The following PHACTR2 variants were observed in gnomAD, a reference collection of about 807,000 sequenced individuals.
PHACTR2 encodes the protein chromosome 6 open reading frame 56.
In PHACTR2, 30 loss-of-function variants were observed where a neutral mutation model predicts 76.0. The observed-to-expected ratio is 0.39, with a 90% CI of 0.30 to 0.54. PHACTR2 has a LOEUF of 0.54. Among genes scored for constraint, PHACTR2 ranks in the 20% least tolerant of loss-of-function variants. The pLI is 0.61. For missense variants in PHACTR2, 696 were observed against 781.1 expected, an observed-to-expected ratio of 0.89 and a Z score of 1.30; for synonymous variants, 292 against 292.5, an observed-to-expected ratio of 1.00 and a Z score of 0.02.
intron 1 of PHACTR2, among the ~76,000 whole-genome samples, chr6:143,622,231 A>G (rs1348280643): frequency 6.6e-6 from 1 of 152,164 alleles, no homozygotes; most frequent in Non-Finnish European, 1.5e-5. Context: ...GATCCTGCCC[A>G]AACCTCAGGA....
rs1776518458 is a variant in PHACTR2 at position 143,639,005 on chromosome 6, G to T, written c.13+30683G>T. Among the ~76,000 whole-genome samples the T allele has an allele frequency of 6.6e-6, 1 of 152,202 alleles. No individual in the cohort carries two copies. Among genetic ancestry groups the T allele is most frequent in the African/African-American group, 2.4e-5 (1 of 41,464 alleles). The stretch of plus-strand genomic sequence containing the variant: ...CTATGAATGACATTATCTCCTTAAT[G>T]ATCATTTTCTCTTTGCCCAGTTGTC... On this transcript the variant is annotated intron_variant, in intron 1 of 11. Coordinates refer to the PHACTR2 transcript ENST00000305766. This position sits in a 1 kb window ranked among gnomAD's most constrained non-coding sequence, Gnocchi z 5.0.
chr6:143,601,457 A>G (rs939947376), intron 1 of PHACTR2, among the ~76,000 whole-genome samples: 1 of 152,168 alleles, frequency 6.6e-6, no homozygotes, highest in African/African-American at 2.4e-5. Context: ...TAGGAGTACA[A>G]TGCTGGGCTA....
chr6:143,810,746 C>T (rs1247566485), intron 12 of PHACTR2, among the ~76,000 whole-genome samples: 2 of 151,726 alleles, frequency 1.3e-5, no homozygotes, highest in East Asian at 1.9e-4. Context: ...GTGAGAGAAT[C>T]GCCTGAGCCC....
chr6:143,798,933 A>G (rs1475216048), intron 11 of PHACTR2, among the ~76,000 whole-genome samples: 10 of 151,990 alleles, frequency 6.6e-5, no homozygotes. Context: ...CTCTTTTTCT[A>G]TTGATTGGGA....
At chr6:143,792,672 A>G (rs1775718973) in intron 11 of PHACTR2, among the ~76,000 whole-genome samples, 1 of 152,194 alleles carries the variant, frequency 6.6e-6, no homozygotes, top group Admixed American at 6.5e-5. Flanking sequence ...AGGCTCCAAG[A>G]TAACCTCTCT....
chr6:143,638,107 G>A (rs1455223026), intron 1 of PHACTR2, among the ~76,000 whole-genome samples: 1 of 152,234 alleles, frequency 6.6e-6, no homozygotes. Context: ...TTAGTGTGTA[G>A]TTGATGAATT....
rs138187398 is a variant in PHACTR2, at chr6:143,720,217, C to T, written c.214+8034C>T. ...GGAACTGTTACAGGCTCTAGGGATA[C>T]TCTCATAGATTTTAGTGACATAAAA... is the stretch of plus-strand genomic sequence containing the variant. On this transcript the variant is annotated intron_variant, in intron 2 of 12. Transcript: ENST00000440869. Among the ~76,000 whole-genome samples, 815 of 152,278 alleles carry T rather than the reference C, an allele frequency of 5.4e-3. 3 individuals carry two copies. The highest frequency in any genetic ancestry group is 0.014 in the Middle Eastern group (4 of 294).
At chr6:143,670,062 C>T (rs1777122848) in intron 1 of PHACTR2, among the ~76,000 whole-genome samples, 1 of 152,156 alleles carries the variant, frequency 6.6e-6, no homozygotes, top group Admixed American at 6.5e-5. Flanking sequence ...TATTTCTCAG[C>T]ATTTGCTTGT....
chr6:143,649,953 C>T (rs1776729075), intron 1 of PHACTR2, among the ~76,000 whole-genome samples: 1 of 152,170 alleles, frequency 6.6e-6, no homozygotes, highest in Admixed American at 6.5e-5. Flanking sequence ...ATTGTCTCAG[C>T]CCAAAAACTT....
chr6:143,547,448 G>A lies in PHACTR2; in HGVS notation c.217+10241G>A, dbSNP rs574841702. On this transcript the variant is annotated intron_variant, in intron 1 of 11. Coordinates refer to the PHACTR2 transcript ENST00000367584. The surrounding 1 kb of genome is among the most constrained non-coding windows in gnomAD (Gnocchi z 4.2). Reference sequence around the variant, plus strand: ...TCACATTACTTTATAGTAACACTGCGTACCTCCAAAATATATAACCACACA... The same window carrying A: ...TCACATTACTTTATAGTAACACTGCATACCTCCAAAATATATAACCACACA... 9.9e-5 allele frequency among the ~76,000 whole-genome samples: 15 copies of A among 152,238 alleles called. No individual in the cohort carries two copies. Among genetic ancestry groups the A allele is most frequent in the East Asian group, 3.9e-4 (2 of 5,180 alleles).
In PHACTR2 at chr6:143,709,012, T is replaced by C. The variant is rs12194883; in HGVS notation, c.47-3004T>C. ...TTATATTTTACAACATTTAAGTTGT[T>C]CAAAGTTAAGCCCTTCCATGAGAGT... On this transcript the variant is annotated intron_variant, in intron 1 of 12. Transcript: ENST00000440869. The surrounding 1 kb of genome is among the most constrained non-coding windows in gnomAD (Gnocchi z 4.4). 0.18 allele frequency among the ~76,000 whole-genome samples: 27,468 copies of C among 152,164 alleles called. 3,057 individuals carry two copies. Among genetic ancestry groups the C allele is most frequent in the East Asian group, 0.51 (2,610 of 5,166 alleles).
In PHACTR2 at chr6:143,548,427, T is replaced by C. The variant is rs1208151001; in HGVS notation, c.217+11220T>C. On this transcript the variant is annotated intron_variant, in intron 1 of 11. Transcript: ENST00000367584. This position sits in a 1 kb window ranked among gnomAD's most constrained non-coding sequence, Gnocchi z 4.5. Reference sequence around the variant, plus strand: ...CATTCAACCGTCCATCCTTCTGTCTTTCCCTCCCTCCCAGACTTCTCTGAT... The same window carrying C: ...CATTCAACCGTCCATCCTTCTGTCTCTCCCTCCCTCCCAGACTTCTCTGAT... Among the ~76,000 whole-genome samples, 3 of 152,066 alleles carry C rather than the reference T, an allele frequency of 2.0e-5. No homozygotes were observed. The highest frequency in any genetic ancestry group is 4.4e-5 in the Non-Finnish European group (3 of 67,982).
In PHACTR2 at chr6:143,652,605, T is replaced by C. The variant is rs528245135; in HGVS notation, c.13+44283T>C. 5.3e-5 allele frequency among the ~76,000 whole-genome samples: 8 copies of C among 152,366 alleles called. No individual in the cohort carries two copies. Among genetic ancestry groups the C allele is most frequent in the Admixed American group, 3.9e-4 (6 of 15,312 alleles). ...ATGCTAGGTCAGTTTTCAGATCTTA[T>C]TAAAAAGCTCAGGGTTTCGGGAATC... On this transcript the variant is annotated intron_variant, in intron 1 of 11. Transcript: ENST00000305766. The surrounding 1 kb of genome is among the most constrained non-coding windows in gnomAD (Gnocchi z 4.5).
Position 143,814,824 on chromosome 6 carries a change from A to G in PHACTR2, c.1922+7691A>G, listed in dbSNP as rs147255066. Among the ~76,000 whole-genome samples the G allele has an allele frequency of 2.3e-3, 348 of 152,034 alleles. 2 individuals are homozygous for G. The highest frequency in any genetic ancestry group is 8.0e-3 in the African/African-American group (330 of 41,482). ...TCACCGTGTTAGCCAGGATGGTCCC[A>G]ATCTGCTGACCTCGTGATCCGCCCG... On this transcript the variant is annotated intron_variant, in intron 12 of 12. Coordinates refer to ENST00000440869, the MANE Select transcript of PHACTR2 (RefSeq NM_001100164.2).
chr6:143,768,695 A>T (rs1775017421), intron 6 of PHACTR2, among the ~76,000 whole-genome samples: 1 of 152,212 alleles, frequency 6.6e-6, no homozygotes, highest in Admixed American at 6.5e-5. Context: ...CAGACCAAAG[A>T]GGTAAGCATC....
At chr6:143,650,449 A>T (rs1460646741) in intron 1 of PHACTR2, among the ~76,000 whole-genome samples, 3 of 151,934 alleles carry the variant, frequency 2.0e-5, no homozygotes, top group Non-Finnish European at 4.4e-5. Context: ...AAACTACAGT[A>T]ACAAAAATAG....
Position 143,641,055 on chromosome 6 carries a change from G to A in PHACTR2, c.13+32733G>A, listed in dbSNP as rs1410600363. 6.6e-6 allele frequency among the ~76,000 whole-genome samples: 1 copy of A among 152,194 alleles called. No homozygotes were observed. On this transcript the variant is annotated intron_variant, in intron 1 of 11. Transcript: ENST00000305766. The surrounding 1 kb of genome is among the most constrained non-coding windows in gnomAD (Gnocchi z 5.8). Reference sequence around the variant, plus strand: ...ATAGTTCTGGAGGTTGGTGGTCCACGATCAAGGTGCTGGCATCTGCTGAGG... The same window carrying A: ...ATAGTTCTGGAGGTTGGTGGTCCACAATCAAGGTGCTGGCATCTGCTGAGG...
intron 1 of PHACTR2, among the ~76,000 whole-genome samples, chr6:143,667,304 G>T (rs1379439786): frequency 1.3e-5 from 2 of 152,176 alleles, no homozygotes; most frequent in African/African-American, 4.8e-5. Context: ...TTTGAAGTCA[G>T]GTAGTGTGAT....
At chr6:143,586,304 AC>A (rs1775629192) in intron 1 of PHACTR2, among the ~76,000 whole-genome samples, 1 of 152,236 alleles carries the variant, frequency 6.6e-6, no homozygotes, top group African/African-American at 2.4e-5. Flanking sequence ...ATCACACTTT[AC>A]TTTTTGGCAA....
Sources: allele counts gnomAD v4.1 joint callset (sites outside exome capture counted in the v4.1 genomes callset), GRCh38; gene constraint gnomAD v4.1.1; non-coding constraint Gnocchi (gnomAD v3.1); transcripts MANE v1.5; gene names NCBI Gene and HGNC (gene_info 2026-07-23, HGNC 2026-07-21).